Variants in KMT2D observed in about 807,000 individuals in gnomAD.
The protein encoded by KMT2D is lysine methyltransferase 2D, also known as histone-lysine N-methyltransferase 2D.
In KMT2D, 55 loss-of-function variants were observed where a neutral mutation model predicts 512.7. The observed-to-expected ratio is 0.11, with a 90% CI of 0.09 to 0.13. KMT2D has a LOEUF of 0.13. Ranked by LOEUF, KMT2D falls within the 10% of genes least tolerant of loss-of-function variation. The pLI is 1.00. For missense variants in KMT2D, 6,061 were observed against 7,127.9 expected (o/e 0.85, Z 5.39); for synonymous variants, 2,995 against 2,904.0 (o/e 1.03, Z -1.01).
intron 38 of KMT2D, 43 bp downstream of exon 38, chr12:49,034,367 C>T (rs1943110623): frequency 6.2e-7 from 1 of 1,612,300 alleles, no homozygotes; most frequent in South Asian, 1.1e-5. Context: ...TCCATATGAC[C>T]CAAACCACTC....
rs1310821971 is a variant in KMT2D at position 49,040,259 on chromosome 12, C to T, written c.7511G>A (p.Gly2504Asp). The change falls in exon 32 of 55, where the codon GGT (glycine) becomes GAT (aspartate). Residue 2504 changes from glycine to aspartate, a missense_variant. Around this residue, in one of 16 missense-constraint regions of KMT2D, gnomAD observed 710 missense variants for 647.3 expected, o/e 1.10. Coordinates refer to ENST00000301067, the MANE Select transcript of KMT2D (RefSeq NM_003482.4). ...FPAALPAGPA[G>D]ELHAKVPSGQ... Reference sequence around the variant, plus strand: ...ACTTGGGACCTTGGCATGGAGCTCACCTGCTGGCCCCGCGGGCAGGGCTGC... The same window carrying T: ...ACTTGGGACCTTGGCATGGAGCTCATCTGCTGGCCCCGCGGGCAGGGCTGC... The T allele has an allele frequency of 6.2e-7, 1 of 1,611,794 alleles. No homozygotes were observed. The highest frequency in any genetic ancestry group is 8.5e-7 in the Non-Finnish European group (1 of 1,178,826).
intron 35 of KMT2D, among the ~76,000 whole-genome samples, chr12:49,035,262 G>A (rs1181361594): frequency 6.6e-6 from 1 of 152,180 alleles, no homozygotes; most frequent in African/African-American, 2.4e-5. Context: ...GTGTTAAGAG[G>A]ATCAAATGTG....
In KMT2D at chr12:49,026,448, T is replaced by C. The variant is rs989947797; in HGVS notation, c.15518A>G (p.Glu5173Gly). 1.3e-5 allele frequency: 21 copies of C among 1,613,838 alleles called. No individual in the cohort carries two copies. Among genetic ancestry groups the C allele is most frequent in the Non-Finnish European group, 1.8e-5 (21 of 1,179,874 alleles). The change falls in exon 49 of 55, where the codon GAA becomes GGA. Residue 5173 changes from glutamate (E) to glycine (G), a missense_variant. Around this residue, in one of 16 missense-constraint regions of KMT2D, gnomAD observed 261 missense variants for 440.7 expected, o/e 0.59. Transcript: ENST00000301067. The surrounding 1 kb of genome is among the most constrained non-coding windows in gnomAD (Gnocchi z 9.6). ...CCCCACACGGAACATGTGCAGCCGT[T>C]CTCCCCGCTGAATGATGCTAGCGAT... ...KQIASIIQRG[E>G]RLHMFRVGGL...
In KMT2D at chr12:49,044,350, T is replaced by A. The variant is rs555129891; in HGVS notation, c.5084-46A>T. ...GGATGAGAAGCCGCTGGGGGACCTA[T>A]TGAGCTGCCCCGCACCACCCCACCA... On this transcript the variant is annotated intron_variant, in intron 21 of 54. Coordinates refer to ENST00000301067, the MANE Select transcript of KMT2D (RefSeq NM_003482.4). The surrounding 1 kb of genome is among the most constrained non-coding windows in gnomAD (Gnocchi z 6.4). 3.7e-6 allele frequency: 6 copies of A among 1,613,602 alleles called. No individual in the cohort carries two copies. Among genetic ancestry groups the A allele is most frequent in the African/African-American group, 1.3e-5 (1 of 75,008 alleles).
Position 49,039,029 on chromosome 12 carries a change from G to A in KMT2D, c.8367-40C>T, listed in dbSNP as rs2120508146. On this transcript the variant is annotated intron_variant, in intron 34 of 54. Transcript: ENST00000301067. This position sits in a 1 kb window ranked among gnomAD's most constrained non-coding sequence, Gnocchi z 5.0. Reference sequence around the variant, plus strand: ...AGTAGTCAGTAGGATGAAATCAGATGAAAAGGAGCAAGAACATGGGCTTAG... The same window carrying A: ...AGTAGTCAGTAGGATGAAATCAGATAAAAAGGAGCAAGAACATGGGCTTAG... The A allele has an allele frequency of 6.5e-7, 1 of 1,547,940 alleles. No homozygotes were observed. Among genetic ancestry groups the A allele is most frequent in the Non-Finnish European group, 8.8e-7 (1 of 1,142,534 alleles).
rs1292570057 is a variant in KMT2D at position 49,029,065 on chromosome 12, G to A, written c.14247C>T (p.Ile4749=). 3 of 1,602,218 alleles carry A rather than the reference G, an allele frequency of 1.9e-6. No homozygotes were observed. Among genetic ancestry groups the A allele is most frequent in the Non-Finnish European group, 2.6e-6 (3 of 1,171,536 alleles). Residue 4749 remains isoleucine, a synonymous_variant, in exon 45 of 55, where the codon ATC becomes ATT. Coordinates refer to ENST00000301067, the MANE Select transcript of KMT2D (RefSeq NM_003482.4). The part of the protein sequence containing the change: ...PVIPLIPRAS[I]PVFPDTKPYG... Reference sequence around the variant, plus strand: ...CACATCCAGAGTAGCACATACCTGGGATGCTGGCCCGAGGAATGAGGGGGA... The same window carrying A: ...CACATCCAGAGTAGCACATACCTGGAATGCTGGCCCGAGGAATGAGGGGGA...
In KMT2D at chr12:49,054,423, AG is replaced by A; in HGVS notation, c.401-8del. 1 of 1,577,040 alleles carries A rather than the reference AG, an allele frequency of 6.3e-7. No individual in the cohort carries two copies. The highest frequency in any genetic ancestry group is 8.6e-7 in the Non-Finnish European group (1 of 1,161,166). On this transcript the variant is annotated splice_polypyrimidine_tract_variant and splice_region_variant and intron_variant, in intron 4 of 54. Coordinates refer to ENST00000301067, the MANE Select transcript of KMT2D (RefSeq NM_003482.4). This position sits in a 1 kb window ranked among gnomAD's most constrained non-coding sequence, Gnocchi z 6.4. ...TGGTGAGCCCAGCAGGACCCTTTAC[AG>A]GTGGGAAGAGGTAAAGAGAAAGGAA...
In KMT2D at chr12:49,043,745, C is replaced by G. The variant is rs779659959; in HGVS notation, c.5357G>C (p.Arg1786Pro). Reference protein sequence around the residue: ...FFGKELLDLSRKALFAVGVGR... With the variant: ...FFGKELLDLSPKALFAVGVGR... ...CACCCCAACTGCAAAAAGGGCCTTACGGCTCAGGTCCAGCAGCTCCTTCCC... is the reference window on the plus strand; with the variant it reads ...CACCCCAACTGCAAAAAGGGCCTTAGGGCTCAGGTCCAGCAGCTCCTTCCC... The change falls in exon 24 of 55, where the codon CGT becomes CCT. Residue 1786 changes from arginine to proline, a missense_variant. Arg to Pro is a moderately radical substitution (Grantham distance 103). This residue lies in a region of KMT2D where 640 missense variants were observed against 814.3 expected (regional missense o/e 0.79). Transcript: ENST00000301067. The G allele has an allele frequency of 6.2e-7, 1 of 1,613,648 alleles. No individual in the cohort carries two copies. The highest frequency in any genetic ancestry group is 8.5e-7 in the Non-Finnish European group (1 of 1,179,636).
rs2120496324 is a variant in KMT2D, at chr12:49,038,397, G to A, written c.8959C>T (p.Pro2987Ser). The change falls in exon 35 of 55, where the codon CCC becomes TCC. Residue 2987 changes from proline to serine, a missense_variant. Pro to Ser is a moderately conservative substitution (Grantham distance 74, BLOSUM62 -1). Coordinates refer to ENST00000301067, the MANE Select transcript of KMT2D (RefSeq NM_003482.4). This position sits in a 1 kb window ranked among gnomAD's most constrained non-coding sequence, Gnocchi z 5.7. ...TCATCCAGCTCGGGATCCTCACAGG[G>A]CAACTTCCCAGCTTCCAGGGCCAGA... Reference protein sequence around the residue: ...NPLALEAGKLPCEDPELDDDF... With the variant: ...NPLALEAGKLSCEDPELDDDF... 1 of 1,613,860 alleles carries A rather than the reference G, an allele frequency of 6.2e-7. No individual in the cohort carries two copies. The highest frequency in any genetic ancestry group is 2.2e-5 in the East Asian group (1 of 44,880).
At position 49,026,045 on chromosome 12, in the gene KMT2D, AC is replaced by A. The variant is rs916974278; in HGVS notation, c.15784+136del. The stretch of plus-strand genomic sequence containing the variant: ...CACTTTCACTGGGAGTTTTCAAGAG[AC>A]CCCCTGCCTGCCTGAGGTGGGGGAA... On this transcript the variant is annotated intron_variant, in intron 49 of 54. Transcript: ENST00000301067. This position sits in a 1 kb window ranked among gnomAD's most constrained non-coding sequence, Gnocchi z 9.6. 1 of 771,624 alleles carries A rather than the reference AC, an allele frequency of 1.3e-6. No individual in the cohort carries two copies. Among genetic ancestry groups the A allele is most frequent in the Non-Finnish European group, 2.0e-6 (1 of 498,746 alleles). The allele number at this position is 771,624 out of a possible 1,614,324, so 47.8% of individuals were successfully genotyped here. A position where few individuals can be genotyped will look rare whatever the true frequency, so the allele number is the denominator to read the frequency against.
At chr12:49,058,657 C>G (rs372621265) in intron 1 of KMT2D, among the ~76,000 whole-genome samples, 5 of 152,126 alleles carry the variant, frequency 3.3e-5, no homozygotes, top group African/African-American at 1.2e-4. Context: ...ATTTCTCCTC[C>G]AGAGAGACAC....
intron 1 of KMT2D, among the ~76,000 whole-genome samples, chr12:49,055,582 G>A (rs1938360949): frequency 2.0e-5 from 3 of 152,158 alleles, no homozygotes; most frequent in Non-Finnish European, 4.4e-5. Context: ...AGATTCTCAG[G>A]GGATCCATTT....
At chr12:49,056,777 T>C in intron 1 of KMT2D, among the ~76,000 whole-genome samples, 1 of 152,158 alleles carries the variant, frequency 6.6e-6, no homozygotes, top group East Asian at 1.9e-4. Flanking sequence ...CCACTTACGG[T>C]TGAATGACTG....
intron 40 of KMT2D, 44 bp from the exon 41 acceptor site, chr12:49,031,077 G>T (rs367739963): frequency 1.9e-6 from 3 of 1,612,154 alleles, no homozygotes; most frequent in Non-Finnish European, 2.5e-6. Context: ...CTCCTCCTCA[G>T]AGCCCTCATC....
rs1405163924 is a variant in KMT2D at position 49,033,144 on chromosome 12, G to A, written c.11561C>T (p.Thr3854Ile). Reference protein sequence around the residue: ...GQGLMGHRLVTAQQQQQQQQH... With the variant: ...GQGLMGHRLVIAQQQQQQQQH... The stretch of plus-strand genomic sequence containing the variant: ...TTGTTGCTGCTGCTGCTGCTGGGCT[G>A]TGACCAGCCTGTGTCCCATAAGGCC... The change falls in exon 40 of 55, where the codon ACA becomes ATA. Residue 3854 changes from threonine to isoleucine, a missense_variant. Thr to Ile is a moderately conservative substitution (Grantham distance 89). Coordinates refer to ENST00000301067, the MANE Select transcript of KMT2D (RefSeq NM_003482.4). 6.4e-7 allele frequency: 1 copy of A among 1,550,668 alleles called. No homozygotes were observed. The highest frequency in any genetic ancestry group is 8.7e-7 in the Non-Finnish European group (1 of 1,146,640).
In KMT2D at chr12:49,039,977, C is replaced by T. The variant is rs1469582398; in HGVS notation, c.7793G>A (p.Ser2598Asn). 1.2e-6 allele frequency: 2 copies of T among 1,613,852 alleles called. No individual in the cohort carries two copies. The highest frequency in any genetic ancestry group is 1.7e-6 in the Non-Finnish European group (2 of 1,179,810). Residue 2598 changes from serine to asparagine, a missense_variant, in exon 32 of 55, where the codon AGC (serine) becomes AAC (asparagine). This residue lies in a region of KMT2D where 527 missense variants were observed against 578.9 expected (regional missense o/e 0.91). Coordinates refer to ENST00000301067, the MANE Select transcript of KMT2D (RefSeq NM_003482.4). This position sits in a 1 kb window ranked among gnomAD's most constrained non-coding sequence, Gnocchi z 5.0. Reference protein sequence around the residue: ...HPSGSPLGPSSGSTGESYGLS... With the variant: ...HPSGSPLGPSNGSTGESYGLS... Reference sequence around the variant, plus strand: ...CCCATAGCTCTCCCCTGTGGACCCGCTGCTGGGCCCCAGGGGGCTGCCCGA... The same window carrying T: ...CCCATAGCTCTCCCCTGTGGACCCGTTGCTGGGCCCCAGGGGGCTGCCCGA...
At chr12:49,055,056 G>A (rs2120716669) in intron 2 of KMT2D, 30 bp from the exon 3 acceptor site, 1 of 1,611,684 alleles carries the variant, frequency 6.2e-7, no homozygotes, top group South Asian at 1.1e-5. Context: ...GCATGTGTCA[G>A]CCATCATCCC....
rs1943129397 is a variant in KMT2D at position 49,034,655 on chromosome 12, G to C, written c.10367C>G (p.Ser3456Cys). 1.2e-6 allele frequency: 2 copies of C among 1,613,290 alleles called. No homozygotes were observed. The highest frequency in any genetic ancestry group is 1.3e-5 in the African/African-American group (1 of 75,000). Reference protein sequence around the residue: ...VAPGMNRQQVSLLAQRLSGGP... With the variant: ...VAPGMNRQQVCLLAQRLSGGP... ...CCCCGAGAGCCTCTGGGCTAGCAGA[G>C]ACACTTGCTGTCTGGAGTCCACCAA... Residue 3456 changes from serine to cysteine, a missense_variant, in exon 37 of 55, where the codon TCT becomes TGT. Coordinates refer to ENST00000301067, the MANE Select transcript of KMT2D (RefSeq NM_003482.4).
rs1592108350 is a variant in KMT2D, at chr12:49,027,901, T to C, written c.14545A>G (p.Ser4849Gly). The change falls in exon 48 of 55, where the codon AGC becomes GGC. Residue 4849 changes from serine to glycine, a missense_variant. This residue lies in a region of KMT2D where 1,600 missense variants were observed against 1,754.9 expected (regional missense o/e 0.91). Transcript: ENST00000301067. Reference protein sequence around the residue: ...GGKEKGLEGKSPDTGPDWLKQ... With the variant: ...GGKEKGLEGKGPDTGPDWLKQ... ...AGCCAATCAGGGCCAGTGTCTGGGC[T>C]CTTGCCTTCCAGACCCTTTTCCTTC... The C allele has an allele frequency of 3.7e-6, 6 of 1,613,806 alleles. No individual in the cohort carries two copies. Among genetic ancestry groups the C allele is most frequent in the Non-Finnish European group, 4.2e-6 (5 of 1,179,818 alleles).
Sources: gnomAD v4.1 joint callset for allele counts (sites outside exome capture counted in the v4.1 genomes callset) on GRCh38, gnomAD v4.1.1 for gene constraint, gnomAD v4.1.1 regional missense constraint, Gnocchi (gnomAD v3.1) non-coding constraint, MANE v1.5 for transcripts, NCBI Gene and HGNC (gene_info 2026-07-23, HGNC 2026-07-21) for gene names.